CDIN1: variants seen among roughly 807,000 people sequenced by gnomAD.
CDIN1 encodes the protein CDAN1-interacting nuclease 1.
CDIN1 carries 33 observed loss-of-function variants against 45.3 expected under a neutral mutation model. The ratio of observed to expected loss-of-function variants is 0.73; its 90% CI spans 0.55 to 0.97. The LOEUF (loss-of-function observed/expected upper bound fraction) is 0.97, where lower values mean the gene tolerates loss of function less well. CDIN1 is among the 50% of genes least tolerant of loss of function. The probability of loss-of-function intolerance (pLI) is 0.00; values close to 1 mark genes in which losing one functional copy is unlikely to be tolerated. For missense variants in CDIN1, 303 were observed against 339.4 expected, an observed-to-expected ratio of 0.89 and a Z score of 0.84; for synonymous variants, 118 against 124.4, an observed-to-expected ratio of 0.95 and a Z score of 0.34.
At chr15:36,672,933 TA>T (rs2041506155) in intron 5 of CDIN1, among the ~76,000 whole-genome samples, 1 of 151,944 alleles carries the variant, frequency 6.6e-6, no homozygotes, top group South Asian at 2.1e-4. Context: ...GCTTGACAAG[TA>T]TACTAATTAC....
chr15:36,741,745 C>G (rs1288399078), intron 10 of CDIN1, among the ~76,000 whole-genome samples: 1 of 152,028 alleles, frequency 6.6e-6, no homozygotes, highest in Non-Finnish European at 1.5e-5. Flanking sequence ...TATCTGTGTC[C>G]AAGTTTCTTC....
At chr15:36,589,566 C>T (rs2037470916) in intron 1 of CDIN1, among the ~76,000 whole-genome samples, 4 of 151,580 alleles carry the variant, frequency 2.6e-5, no homozygotes, top group Middle Eastern at 3.4e-3. Flanking sequence ...AGTGCAGTGG[C>T]GCCATCTCGG....
intron 1 of CDIN1, among the ~76,000 whole-genome samples, chr15:36,611,227 A>G (rs974847213): frequency 6.6e-6 from 1 of 152,168 alleles, no homozygotes; most frequent in South Asian, 2.1e-4. Context: ...ACTCAGATAG[A>G]CAGTAGGGAG....
intron 10 of CDIN1, among the ~76,000 whole-genome samples, chr15:36,773,956 C>T (rs1262670832): frequency 6.6e-6 from 1 of 152,212 alleles, no homozygotes; most frequent in Non-Finnish European, 1.5e-5. Context: ...TCCTGCACAC[C>T]AGAAGCATAG....
chr15:36,793,052 G>A (rs8041226), intron 10 of CDIN1, among the ~76,000 whole-genome samples: 133,023 of 152,058 alleles, frequency 0.87, 60,983 homozygotes, highest in Non-Finnish European at 1. Flanking sequence ...TTACCCACTC[G>A]GTGAACTTTG....
At chr15:36,674,000 A>G (rs1165808667) in intron 5 of CDIN1, among the ~76,000 whole-genome samples, 1 of 152,070 alleles carries the variant, frequency 6.6e-6, no homozygotes, top group Non-Finnish European at 1.5e-5. Context: ...ACATAAAAGA[A>G]TATATAGTTA....
At chr15:36,789,844 C>A (rs745892571) in intron 10 of CDIN1, among the ~76,000 whole-genome samples, 13 of 152,262 alleles carry the variant, frequency 8.5e-5, no homozygotes, top group Non-Finnish European at 1.8e-4. Context: ...TGACATGGGG[C>A]TAGTGAGGCC....
intron 10 of CDIN1, among the ~76,000 whole-genome samples, chr15:36,754,868 T>A (rs1281688416): frequency 6.6e-6 from 1 of 152,158 alleles, no homozygotes; most frequent in Non-Finnish European, 1.5e-5. Flanking sequence ...TTACACGCCT[T>A]GAAAGAATTT....
intron 1 of CDIN1, among the ~76,000 whole-genome samples, chr15:36,637,771 A>T (rs1050182418): frequency 6.6e-6 from 1 of 152,256 alleles, no homozygotes; most frequent in African/African-American, 2.4e-5. Context: ...ACTTAAATTA[A>T]CATGGCTAAC....
At chr15:36,657,640 C>A (rs957039903) in intron 4 of CDIN1, among the ~76,000 whole-genome samples, 193 bp from the exon 5 acceptor site, 1 of 152,052 alleles carries the variant, frequency 6.6e-6, no homozygotes, top group Non-Finnish European at 1.5e-5. Context: ...CCCATTTATT[C>A]TTTTCAACAG....
chr15:36,765,634 T>C (rs2053902191), intron 10 of CDIN1, among the ~76,000 whole-genome samples: 1 of 152,200 alleles, frequency 6.6e-6, no homozygotes, highest in Non-Finnish European at 1.5e-5. Context: ...TTTAACTTGA[T>C]TATTTATAGT....
intron 5 of CDIN1, among the ~76,000 whole-genome samples, chr15:36,674,894 A>G (rs983262743): frequency 1.3e-5 from 2 of 152,040 alleles, no homozygotes; most frequent in Non-Finnish European, 2.9e-5. Context: ...AGATCTGTAG[A>G]AAGGTTTTTC....
chr15:36,618,903 T>G, intron 1 of CDIN1: 1 of 1,281,868 alleles, frequency 7.8e-7, no homozygotes, highest in Non-Finnish European at 1.1e-6. Flanking sequence ...AATCGTAACA[T>G]AAATGTAGCT....
At chr15:36,779,082 T>C (rs2054288388) in intron 10 of CDIN1, among the ~76,000 whole-genome samples, 1 of 152,200 alleles carries the variant, frequency 6.6e-6, no homozygotes, top group Admixed American at 6.5e-5. Context: ...CACCATATGT[T>C]GTCATTTTAA....
chr15:36,596,007 A>G (rs16963633), intron 1 of CDIN1, among the ~76,000 whole-genome samples: 1,584 of 152,296 alleles, frequency 0.01, 28 homozygotes, highest in African/African-American at 0.036. Context: ...TTTAGTTTCC[A>G]TACTCCGAGC....
chr15:36,615,569 G>A (rs1402208542), intron 1 of CDIN1, among the ~76,000 whole-genome samples: 1 of 152,154 alleles, frequency 6.6e-6, no homozygotes, highest in Non-Finnish European at 1.5e-5. Context: ...ACAATGAAGT[G>A]TGGTCCAAAA....
intron 10 of CDIN1, among the ~76,000 whole-genome samples, chr15:36,802,721 A>G (rs547970107): frequency 6.6e-5 from 10 of 152,232 alleles, no homozygotes; most frequent in Non-Finnish European, 1.3e-4. Context: ...TGGGGAGCCA[A>G]ATTTTCTGTC....
chr15:36,692,034 G>GGGGCCC, intron 6 of CDIN1, 92 bp from the exon 7 acceptor site: 1 of 1,013,888 alleles, frequency 9.9e-7, no homozygotes. Flanking sequence ...GGGGGTGGGG[G>GGGGCCC]AAGAAAAGTA....
chr15:36,735,386 T>A (rs1401583203), intron 10 of CDIN1, among the ~76,000 whole-genome samples: 1 of 152,150 alleles, frequency 6.6e-6, no homozygotes, highest in Non-Finnish European at 1.5e-5. Context: ...TTCTAATTGG[T>A]AGACTATACT....
Sources: gnomAD v4.1 joint callset for allele counts (sites outside exome capture counted in the v4.1 genomes callset) on GRCh38, gnomAD v4.1.1 for gene constraint, MANE v1.5 for transcripts, NCBI Gene and HGNC (gene_info 2026-07-23, HGNC 2026-07-21) for gene names.